The following FSTL4 variants were observed in gnomAD, a reference collection of about 807,000 sequenced individuals.
FSTL4 encodes the protein follistatin like 4, also known as follistatin-related protein 4.
Under a neutral mutation model 78.2 loss-of-function variants are expected in FSTL4, and 28 were observed. That is an observed-to-expected ratio of 0.36 (90% CI 0.27 to 0.49). The LOEUF (loss-of-function observed/expected upper bound fraction) is 0.49, where lower values mean the gene tolerates loss of function less well. Among genes scored for constraint, FSTL4 ranks in the 20% least tolerant of loss-of-function variants. The pLI is 0.98. For missense variants in FSTL4, 922 were observed against 1,084.9 expected, an observed-to-expected ratio of 0.85 and a Z score of 2.11; for synonymous variants, 422 against 440.5, an observed-to-expected ratio of 0.96 and a Z score of 0.53.
At chr5:133,567,828 C>T (rs942804664) in intron 2 of FSTL4, among the ~76,000 whole-genome samples, 9 of 152,112 alleles carry the variant, frequency 5.9e-5, no homozygotes, top group African/African-American at 1.7e-4. Flanking sequence ...GCTTACTATG[C>T]GCAGGGCAAT....
the FSTL4 span, among the ~76,000 whole-genome samples, chr5:133,661,587 T>C: frequency 6.6e-6 from 1 of 152,228 alleles, no homozygotes; most frequent in African/African-American, 2.4e-5. Flanking sequence ...GACATCATCA[T>C]GAAGGAGATG....
the FSTL4 span, among the ~76,000 whole-genome samples, chr5:133,740,933 CTGGATGGATGGA>C: frequency 3.0e-4 from 44 of 148,966 alleles, no homozygotes; most frequent in Middle Eastern, 3.5e-3. Flanking sequence ...AAGTCAGCCT[CTGGATGGATGGA>C]TGGATGGATG....
At chr5:133,786,223 TC>T in the FSTL4 span, among the ~76,000 whole-genome samples, 7 of 152,128 alleles carry the variant, frequency 4.6e-5, no homozygotes, top group African/African-American at 1.4e-4. Context: ...CTTTACAGCC[TC>T]CCTTGGGCCA....
the FSTL4 span, among the ~76,000 whole-genome samples, chr5:133,752,490 G>A: frequency 2.6e-5 from 4 of 152,220 alleles, no homozygotes; most frequent in Admixed American, 2.6e-4. Context: ...GGTGGCGGGT[G>A]CCTGTAATCT....
intron 3 of FSTL4, among the ~76,000 whole-genome samples, chr5:133,560,413 AG>A (rs1337427140): frequency 2.6e-5 from 4 of 152,192 alleles, no homozygotes; most frequent in Admixed American, 2.0e-4. Flanking sequence ...TCTATCTCCC[AG>A]GTTGGAGTGC....
chr5:133,528,945 G>T (rs1759194139), intron 3 of FSTL4, among the ~76,000 whole-genome samples: 1 of 152,220 alleles, frequency 6.6e-6, no homozygotes. Flanking sequence ...ATGAGAATGT[G>T]CATGGCAGTG....
intron 3 of FSTL4, among the ~76,000 whole-genome samples, chr5:133,494,757 C>T (rs898380216): frequency 1.8e-4 from 27 of 152,200 alleles, no homozygotes; most frequent in African/African-American, 6.3e-4. Context: ...TGACATTTAA[C>T]AGAAGAGGGC....
At chr5:133,770,922 T>C in the FSTL4 span, among the ~76,000 whole-genome samples, 1 of 152,062 alleles carries the variant, frequency 6.6e-6, no homozygotes, top group South Asian at 2.1e-4. Flanking sequence ...GGTATGCATC[T>C]AGTTTCCTTC....
rs189943068 is a variant in FSTL4, at chr5:133,548,341, G to A, written c.160+18845C>T. Reference sequence around the variant, plus strand: ...TTGAAGTGAGAGCAGTCTTATAGAGGACTGAGTCCTTAACTTAGGGTGTCT... The same window carrying A: ...TTGAAGTGAGAGCAGTCTTATAGAGAACTGAGTCCTTAACTTAGGGTGTCT... On this transcript the variant is annotated intron_variant, in intron 3 of 15. Coordinates refer to ENST00000265342, the MANE Select transcript of FSTL4 (RefSeq NM_015082.2). Among the ~76,000 whole-genome samples, 531 of 152,234 alleles carry A rather than the reference G, an allele frequency of 3.5e-3. 1 individual carries two copies. Among genetic ancestry groups the A allele is most frequent in the Non-Finnish European group, 5.7e-3 (390 of 67,998 alleles).
chr5:133,573,435 T>C (rs958902880), intron 2 of FSTL4, among the ~76,000 whole-genome samples: 5 of 152,166 alleles, frequency 3.3e-5, no homozygotes, highest in African/African-American at 9.7e-5. Context: ...CAAGAAAACA[T>C]GGCTATAGAT....
intron 6 of FSTL4, among the ~76,000 whole-genome samples, chr5:133,303,663 G>A (rs1753598312): frequency 6.6e-6 from 1 of 152,262 alleles, no homozygotes; most frequent in African/African-American, 2.4e-5. Context: ...CCTTGTAGTA[G>A]TGGTGGTGGG....
intron 2 of FSTL4, among the ~76,000 whole-genome samples, chr5:133,572,705 T>C (rs893994612): frequency 5.3e-5 from 8 of 152,048 alleles, no homozygotes; most frequent in African/African-American, 1.9e-4. Context: ...AGAACTAAAA[T>C]ACATAGTAAT....
intron 3 of FSTL4, among the ~76,000 whole-genome samples, chr5:133,552,502 C>G (rs375807206): frequency 6.6e-6 from 1 of 152,176 alleles, no homozygotes; most frequent in South Asian, 2.1e-4. Flanking sequence ...CCAAGATCAT[C>G]TGTATATTTG....
At chr5:133,326,954 C>T (rs186160028) in intron 4 of FSTL4, among the ~76,000 whole-genome samples, 1 of 152,296 alleles carries the variant, frequency 6.6e-6, no homozygotes, top group African/African-American at 2.4e-5. Flanking sequence ...TGGAGCTTTC[C>T]CTGGAACACT....
intron 3 of FSTL4, among the ~76,000 whole-genome samples, chr5:133,566,732 T>G (rs1760035152): frequency 6.6e-6 from 1 of 152,244 alleles, no homozygotes; most frequent in African/African-American, 2.4e-5. Flanking sequence ...AATTAATTAG[T>G]TATTTCTATT....
At chr5:133,554,266 G>T (rs1407903842) in intron 3 of FSTL4, among the ~76,000 whole-genome samples, 2 of 152,088 alleles carry the variant, frequency 1.3e-5, no homozygotes, top group Non-Finnish European at 2.9e-5. Flanking sequence ...CTGGGGAGAT[G>T]GGGGGGAGGT....
intron 4 of FSTL4, among the ~76,000 whole-genome samples, chr5:133,323,528 C>T (rs1400502920): frequency 2.6e-5 from 4 of 152,226 alleles, no homozygotes; most frequent in Admixed American, 1.3e-4. Context: ...CCCTCCTGAC[C>T]GCCAGTGCAC....
At chr5:133,346,735 T>G (rs1561681053) in intron 4 of FSTL4, among the ~76,000 whole-genome samples, 2 of 152,196 alleles carry the variant, frequency 1.3e-5, no homozygotes, top group Non-Finnish European at 2.9e-5. Flanking sequence ...TAAGTTTCTT[T>G]GTTCTCTCTT....
chr5:133,623,516 C>G, the FSTL4 span, among the ~76,000 whole-genome samples: 15 of 152,040 alleles, frequency 9.9e-5, no homozygotes, highest in African/African-American at 3.6e-4. Context: ...GAATTATGAC[C>G]TAAACAAAAG....
Sources: allele counts gnomAD v4.1 joint callset (sites outside exome capture counted in the v4.1 genomes callset), GRCh38; gene constraint gnomAD v4.1.1; transcripts MANE v1.5; gene names NCBI Gene and HGNC (gene_info 2026-07-23, HGNC 2026-07-21).